WWOX: variants seen among roughly 807,000 people sequenced by gnomAD.
WWOX encodes WW domain containing oxidoreductase.
A neutral mutation model predicts 46.2 loss-of-function variants in WWOX; 69 were observed. The observed-to-expected ratio is 1.49, with a 90% CI of 1.23 to 1.82. The LOEUF is 1.82. Among genes scored for constraint, WWOX ranks in the 40% most tolerant of loss-of-function variants. The pLI, the probability that WWOX is intolerant of heterozygous loss-of-function variation, is 0.00. For missense variants in WWOX, 919 were observed against 542.6 expected (o/e 1.69, Z -6.89); for synonymous variants, 359 against 202.6 (o/e 1.77, Z -6.56).
intron 5 of WWOX, among the ~76,000 whole-genome samples, chr16:78,307,961 A>T (rs899299584): frequency 3.3e-5 from 5 of 152,190 alleles, no homozygotes; most frequent in Non-Finnish European, 2.9e-5. Flanking sequence ...CCAAGCTCAG[A>T]TCCATGTGTG....
At chr16:78,180,731 A>G (rs1452086142) in intron 5 of WWOX, among the ~76,000 whole-genome samples, 29 of 151,308 alleles carry the variant, frequency 1.9e-4, no homozygotes, top group Non-Finnish European at 1.2e-4. Flanking sequence ...TGGGGTATAC[A>G]TGAATACTAG....
intron 8 of WWOX, among the ~76,000 whole-genome samples, chr16:78,518,147 A>G (rs1281027481): frequency 6.6e-6 from 1 of 152,188 alleles, no homozygotes; most frequent in Non-Finnish European, 1.5e-5. Flanking sequence ...ATGTACCTAC[A>G]GAGTCTATCA....
At chr16:79,110,276 C>T (rs1307327907) in intron 8 of WWOX, among the ~76,000 whole-genome samples, 1 of 152,084 alleles carries the variant, frequency 6.6e-6, no homozygotes, top group Non-Finnish European at 1.5e-5. Context: ...TGAGAATGCC[C>T]CTCCTACTTC....
chr16:78,830,776 G>A (rs2051798204), intron 8 of WWOX, among the ~76,000 whole-genome samples: 1 of 151,758 alleles, frequency 6.6e-6, no homozygotes, highest in South Asian at 2.1e-4. Context: ...GCAGCTCAGG[G>A]CCCCCTGGGA....
At chr16:79,002,213 C>CTTTTTT (rs67180105) in intron 8 of WWOX, among the ~76,000 whole-genome samples, 1 of 41,302 alleles carries the variant, frequency 2.4e-5, no homozygotes, top group Non-Finnish European at 4.1e-5. Flanking sequence ...GGTGTCCTGC[C>CTTTTTT]TTTTTTTTTT....
In WWOX at chr16:79,065,789, C is replaced by T. The variant is rs542545639; in HGVS notation, c.1057-145819C>T. 3.0e-4 allele frequency among the ~76,000 whole-genome samples: 46 copies of T among 152,304 alleles called. No homozygotes were observed. In the Middle Eastern group the frequency reaches 0.01, roughly 34 times the overall value. On this transcript the variant is annotated intron_variant, in intron 8 of 8. Transcript: ENST00000566780. ...AAATTCTTCCCAGTGTTACTTTGCCCTATGCCCAGGGATGAGTGAGGACTG... is the reference window on the plus strand; with the variant it reads ...AAATTCTTCCCAGTGTTACTTTGCCTTATGCCCAGGGATGAGTGAGGACTG...
At chr16:78,637,103 A>G (rs1304424177) in intron 8 of WWOX, among the ~76,000 whole-genome samples, 2 of 152,172 alleles carry the variant, frequency 1.3e-5, no homozygotes, top group African/African-American at 4.8e-5. Flanking sequence ...TGCAATGCCC[A>G]TCACACTGCC....
chr16:78,532,120 C>T (rs369343846), intron 8 of WWOX, among the ~76,000 whole-genome samples: 87 of 148,974 alleles, frequency 5.8e-4, no homozygotes, highest in African/African-American at 1.9e-3. Context: ...CTGTCAGATT[C>T]TGAATTTAGT....
intron 5 of WWOX, among the ~76,000 whole-genome samples, chr16:78,212,067 G>A (rs1487530785): frequency 2.0e-5 from 3 of 152,208 alleles, no homozygotes; most frequent in Non-Finnish European, 4.4e-5. Flanking sequence ...TGTGGGAGCA[G>A]CAAGCAGGTG....
chr16:78,795,430 A>G (rs2050711709), intron 8 of WWOX, among the ~76,000 whole-genome samples: 2 of 152,228 alleles, frequency 1.3e-5, no homozygotes, highest in East Asian at 3.9e-4. Context: ...TGGGAAGGCT[A>G]CCCATGGACT....
At chr16:79,027,518 T>G (rs977524908) in intron 8 of WWOX, among the ~76,000 whole-genome samples, 2 of 151,774 alleles carry the variant, frequency 1.3e-5, no homozygotes, top group African/African-American at 4.9e-5. Context: ...TGCCATCATT[T>G]TGGAATGTCC....
intron 8 of WWOX, among the ~76,000 whole-genome samples, chr16:78,991,632 A>G (rs2046889192): frequency 7.0e-6 from 1 of 142,938 alleles, no homozygotes; most frequent in African/African-American, 2.6e-5. Flanking sequence ...TTCTCCACCT[A>G]CCAGTGGTGG....
At chr16:78,742,919 A>G (rs1255917350) in intron 8 of WWOX, among the ~76,000 whole-genome samples, 2 of 152,098 alleles carry the variant, frequency 1.3e-5, no homozygotes, top group African/African-American at 2.4e-5. Context: ...GGGCCTCCCA[A>G]AAAGAGGAAG....
chr16:79,070,591 T>G (rs538461852), intron 8 of WWOX, among the ~76,000 whole-genome samples: 1 of 152,268 alleles, frequency 6.6e-6, no homozygotes, highest in Non-Finnish European at 1.5e-5. Flanking sequence ...AGGTTCGGAC[T>G]GGTGCAGCAG....
At chr16:79,185,160 A>C (rs1177252786) in intron 8 of WWOX, among the ~76,000 whole-genome samples, 12 of 152,210 alleles carry the variant, frequency 7.9e-5, no homozygotes. Flanking sequence ...CCTCTGTGAA[A>C]TATAGGGAAA....
At chr16:78,526,246 T>G (rs2043464875) in intron 8 of WWOX, 1 of 152,280 alleles carries the variant, frequency 6.6e-6, no homozygotes, top group Non-Finnish European at 1.5e-5. Context: ...CGGAGGCCAC[T>G]CCTAATTGCT....
intron 4 of WWOX, among the ~76,000 whole-genome samples, chr16:78,147,687 TTTTTTTTTTAAA>T: frequency 7.9e-6 from 1 of 126,224 alleles, no homozygotes; most frequent in East Asian, 2.7e-4. Flanking sequence ...TTTTTTTTTT[TTTTTTTTTTAAA>T]AAAAAAAAAG....
intron 8 of WWOX, among the ~76,000 whole-genome samples, chr16:79,166,725 A>G (rs2050601846): frequency 1.3e-5 from 2 of 152,192 alleles, no homozygotes; most frequent in African/African-American, 2.4e-5. Context: ...TACCACTTCC[A>G]GCACCTGCTC....
rs189306487 is a variant in WWOX at position 78,259,957 on chromosome 16, C to T, written c.516+95668C>T. The stretch of plus-strand genomic sequence containing the variant: ...GATCTAAACTGCATAGGATAAAATC[C>T]TATGCAGTTTACAGAAATGTAAACT... On this transcript the variant is annotated intron_variant, in intron 5 of 8. Coordinates refer to ENST00000566780, the MANE Select transcript of WWOX (RefSeq NM_016373.4). Among the ~76,000 whole-genome samples, 755 of 151,244 alleles carry T rather than the reference C, an allele frequency of 5.0e-3. 21 individuals are homozygous for T. Among genetic ancestry groups the T allele is most frequent in the Admixed American group, 7.0e-3 (107 of 15,212 alleles).
Sources: gnomAD v4.1 joint callset for allele counts (sites outside exome capture counted in the v4.1 genomes callset) on GRCh38, gnomAD v4.1.1 for gene constraint, MANE v1.5 for transcripts, NCBI Gene and HGNC (gene_info 2026-07-23, HGNC 2026-07-21) for gene names.